The following EYS variants were observed in gnomAD, a reference collection of about 807,000 sequenced individuals.
The protein encoded by EYS is protein eyes shut homolog.
Under a neutral mutation model 282.1 loss-of-function variants are expected in EYS, and 250 were observed. The observed-to-expected ratio is 0.89, with a 90% CI of 0.80 to 0.98. The LOEUF is 0.98. Ranked by LOEUF, EYS falls within the 50% of genes least tolerant of loss-of-function variation. The probability of loss-of-function intolerance (pLI) is 0.00; values close to 1 mark genes in which losing one functional copy is unlikely to be tolerated. For missense variants in EYS, 4,016 were observed against 3,709.0 expected, an observed-to-expected ratio of 1.08 and a Z score of -2.15; for synonymous variants, 1,355 against 1,282.9, an observed-to-expected ratio of 1.06 and a Z score of -1.20.
chr6:65,464,223 C>G (rs1021154685), intron 5 of EYS, among the ~76,000 whole-genome samples: 5 of 152,050 alleles, frequency 3.3e-5, no homozygotes, highest in Non-Finnish European at 4.4e-5. Context: ...ACCAAGATCA[C>G]AGGAGACACA....
chr6:65,448,318 G>T (rs1228661933), intron 5 of EYS, among the ~76,000 whole-genome samples: 1 of 152,014 alleles, frequency 6.6e-6, no homozygotes, highest in Non-Finnish European at 1.5e-5. Flanking sequence ...AGATAAAGAA[G>T]TTAGATGACT....
At chr6:65,624,408 TC>T (rs1766625040) in intron 2 of EYS, among the ~76,000 whole-genome samples, 1 of 152,186 alleles carries the variant, frequency 6.6e-6, no homozygotes, top group Admixed American at 6.5e-5. Context: ...TTAGACAGTT[TC>T]AGTCTAATCA....
At chr6:63,727,737 A>AAAAAAAAT (rs1554164607) in intron 41 of EYS, among the ~76,000 whole-genome samples, 5 of 36,730 alleles carry the variant, frequency 1.4e-4, no homozygotes, top group East Asian at 8.2e-4. Context: ...AAAAAAAAAA[A>AAAAAAAAT]ATATATATAT....
chr6:64,659,358 T>C (rs1768899195), intron 22 of EYS, among the ~76,000 whole-genome samples: 1 of 143,726 alleles, frequency 7.0e-6, no homozygotes, highest in South Asian at 2.2e-4. Flanking sequence ...ATTCAAAAGC[T>C]AGCAGAAGGC....
intron 31 of EYS, among the ~76,000 whole-genome samples, chr6:64,125,594 G>T (rs1773752669): frequency 6.6e-6 from 1 of 151,646 alleles, no homozygotes; most frequent in South Asian, 2.1e-4. Flanking sequence ...GACCATCCTG[G>T]CTAACACGGT....
At chr6:64,416,220 C>G (rs997308610) in intron 28 of EYS, among the ~76,000 whole-genome samples, 1 of 152,158 alleles carries the variant, frequency 6.6e-6, no homozygotes, top group Non-Finnish European at 1.5e-5. Flanking sequence ...TGTGTTTTTG[C>G]TTGTATGATC....
chr6:63,753,140 G>GTATATA lies in EYS; in HGVS notation c.8071+9315_8071+9320dup, dbSNP rs33925107. Among the ~76,000 whole-genome samples, 325 of 136,010 alleles carry GTATATA rather than the reference G, an allele frequency of 2.4e-3. 2 individuals are homozygous for GTATATA. Among genetic ancestry groups the GTATATA allele is most frequent in the Middle Eastern group, 7.5e-3 (2 of 266 alleles). The allele number at this position is 136,010 out of a possible 152,430, so 89.2% of individuals were successfully genotyped here. On this transcript the variant is annotated intron_variant, in intron 41 of 42. Coordinates refer to ENST00000503581, the MANE Select transcript of EYS (RefSeq NM_001142800.2). ...AATATGTGTGTGTATGTGTGTGTGT[G>GTATATA]TATATATATATATATATATATATAT...
At chr6:63,757,659 A>G (rs1769524606) in intron 41 of EYS, among the ~76,000 whole-genome samples, 1 of 152,098 alleles carries the variant, frequency 6.6e-6, no homozygotes, top group Non-Finnish European at 1.5e-5. Flanking sequence ...CCAGTGGCCC[A>G]GCTGTAAAAT....
chr6:65,311,527 T>A (rs1215697226), intron 11 of EYS, among the ~76,000 whole-genome samples: 1 of 152,198 alleles, frequency 6.6e-6, no homozygotes, highest in Non-Finnish European at 1.5e-5. Context: ...AGAGTTTCCA[T>A]CCTTTTCATT....
chr6:63,860,545 T>C (rs755722570), intron 36 of EYS, among the ~76,000 whole-genome samples: 4 of 152,256 alleles, frequency 2.6e-5, no homozygotes, highest in Non-Finnish European at 5.9e-5. Flanking sequence ...GTATAGCTCC[T>C]CATAAGATCT....
chr6:64,857,307 C>T (rs1169294188), intron 19 of EYS, among the ~76,000 whole-genome samples: 5 of 152,234 alleles, frequency 3.3e-5, no homozygotes. Flanking sequence ...CCTCTGGTAA[C>T]CACTATGAGT....
intron 12 of EYS, among the ~76,000 whole-genome samples, chr6:65,277,277 A>G (rs1467852569): frequency 1.3e-5 from 2 of 152,016 alleles, no homozygotes; most frequent in Non-Finnish European, 2.9e-5. Flanking sequence ...TACTAAAAAT[A>G]CAAAAATTAG....
rs1207716006 is a variant in EYS, at chr6:65,369,664, A to G, written c.1299+14722T>C. Among the ~76,000 whole-genome samples, 3 of 151,570 alleles carry G rather than the reference A, an allele frequency of 2.0e-5. No individual in the cohort carries two copies. The East Asian group carries it at 5.8e-4, about 29-fold the overall frequency. Reference sequence around the variant, plus strand: ...ATTTTTCAACCACAACGATATTGGCATTTTGGACTCAATATTGCTTTATTG... The same window carrying G: ...ATTTTTCAACCACAACGATATTGGCGTTTTGGACTCAATATTGCTTTATTG... On this transcript the variant is annotated intron_variant, in intron 8 of 42. Coordinates refer to ENST00000503581, the MANE Select transcript of EYS (RefSeq NM_001142800.2).
At chr6:64,968,639 C>T (rs543125612) in intron 14 of EYS, among the ~76,000 whole-genome samples, 2 of 152,150 alleles carry the variant, frequency 1.3e-5, no homozygotes, top group East Asian at 3.9e-4. Flanking sequence ...AATTTGGCTT[C>T]CAAAATTCTG....
At position 65,515,491 on chromosome 6, in the gene EYS, C is replaced by T. The variant is rs571782378; in HGVS notation, c.-332-19498G>A. On this transcript the variant is annotated intron_variant, in intron 2 of 42. Transcript: ENST00000503581. The stretch of plus-strand genomic sequence containing the variant: ...ATGCTGCTATAAAGACACATGCACA[C>T]GTATGTTTATTGCGGCACTATTCAC... Among the ~76,000 whole-genome samples the T allele has an allele frequency of 1.6e-3, 247 of 151,074 alleles. 2 individuals carry two copies. The highest frequency in any genetic ancestry group is 5.2e-3 in the African/African-American group (213 of 41,322).
chr6:65,686,386 A>T (rs1769015100), intron 1 of EYS, among the ~76,000 whole-genome samples: 1 of 152,004 alleles, frequency 6.6e-6, no homozygotes, highest in South Asian at 2.1e-4. Context: ...TTACAATGCC[A>T]TTTTTTAGTA....
At chr6:64,681,483 T>G (rs1266618574) in intron 22 of EYS, among the ~76,000 whole-genome samples, 5 of 152,160 alleles carry the variant, frequency 3.3e-5, no homozygotes, top group Admixed American at 6.5e-5. Context: ...TAGCTCAAAA[T>G]GCTACAATTT....
At chr6:65,475,160 T>TAC (rs2127247188) in intron 5 of EYS, among the ~76,000 whole-genome samples, 1 of 152,148 alleles carries the variant, frequency 6.6e-6, no homozygotes, top group Admixed American at 6.6e-5. Context: ...TATATATATA[T>TAC]AGCACTTAAT....
At chr6:64,464,939 A>G (rs571258256) in intron 26 of EYS, among the ~76,000 whole-genome samples, 2 of 151,996 alleles carry the variant, frequency 1.3e-5, no homozygotes, top group Non-Finnish European at 2.9e-5. Context: ...TTTAAATAAA[A>G]CTATCATTTA....
Sources: gnomAD v4.1 joint callset for allele counts (sites outside exome capture counted in the v4.1 genomes callset) on GRCh38, gnomAD v4.1.1 for gene constraint, MANE v1.5 for transcripts, NCBI Gene and HGNC (gene_info 2026-07-23, HGNC 2026-07-21) for gene names.